Variants in ROCK1 observed in about 807,000 individuals in gnomAD.
ROCK1 encodes the protein rho-associated protein kinase 1.
ROCK1 carries 36 observed loss-of-function variants against 196.8 expected under a neutral mutation model. The observed-to-expected ratio is 0.18, with a 90% CI of 0.14 to 0.24. The LOEUF is 0.24. ROCK1 is among the 10% of genes least tolerant of loss of function. The probability of loss-of-function intolerance (pLI) is 1.00; values close to 1 mark genes in which losing one functional copy is unlikely to be tolerated. For missense variants in ROCK1, 920 were observed against 1,562.0 expected (o/e 0.59, Z 6.93); for synonymous variants, 443 against 515.9 (o/e 0.86, Z 1.91).
chr18:21,110,758 G>C, intron 1 of ROCK1, 60 bp downstream of exon 1: 1 of 1,335,400 alleles, frequency 7.5e-7, no homozygotes, highest in East Asian at 2.3e-5. Flanking sequence ...CCAGACTAAT[G>C]CAAGAGGAAG....
At chr18:20,959,171 A>ATATATATTATATAT (rs2035299840) in intron 29 of ROCK1, among the ~76,000 whole-genome samples, 1 of 61,982 alleles carries the variant, frequency 1.6e-5, no homozygotes, top group East Asian at 4.5e-4. Context: ...ATATTATATA[A>ATATATATTATATAT]TATATATAAT....
intron 4 of ROCK1, among the ~76,000 whole-genome samples, chr18:21,045,993 C>T (rs1319280383): frequency 7.1e-6 from 1 of 140,746 alleles, no homozygotes; most frequent in Non-Finnish European, 1.5e-5. Flanking sequence ...TCACTGCAAG[C>T]TCCGCCTCCC....
intron 22 of ROCK1, among the ~76,000 whole-genome samples, chr18:20,975,893 G>A (rs893978764): frequency 6.6e-6 from 1 of 152,238 alleles, no homozygotes; most frequent in African/African-American, 2.4e-5. Flanking sequence ...TTACAGGCGT[G>A]AGCCACCATG....
chr18:20,960,063 T>C, intron 28 of ROCK1, 73 bp downstream of exon 28: 1 of 1,136,414 alleles, frequency 8.8e-7, no homozygotes, highest in East Asian at 2.4e-5. Flanking sequence ...AAAAAGTAGC[T>C]AATATAAGTT....
At chr18:20,982,433 G>C (rs543883697) in intron 21 of ROCK1, among the ~76,000 whole-genome samples, 1 of 152,252 alleles carries the variant, frequency 6.6e-6, no homozygotes, top group South Asian at 2.1e-4. Context: ...TGTATTTGTA[G>C]TAGAGACGGG....
chr18:21,082,562 T>C (rs1383605753), intron 1 of ROCK1, among the ~76,000 whole-genome samples: 7 of 152,110 alleles, frequency 4.6e-5, no homozygotes, highest in Non-Finnish European at 7.4e-5. Context: ...ACCACATTAA[T>C]AGAATAAAGG....
chr18:20,981,678 C>T (rs972769843), intron 21 of ROCK1, among the ~76,000 whole-genome samples: 6 of 152,094 alleles, frequency 3.9e-5, no homozygotes, highest in East Asian at 1.9e-4. Context: ...TGGAGAACTA[C>T]TTTTAACACT....
At chr18:21,031,375 C>T (rs2036004675) in intron 9 of ROCK1, among the ~76,000 whole-genome samples, 1 of 151,990 alleles carries the variant, frequency 6.6e-6, no homozygotes, top group African/African-American at 2.4e-5. Flanking sequence ...GAGGCTGAGG[C>T]AGGTGGATCA....
At chr18:20,990,467 T>C (rs2143405866) in intron 18 of ROCK1, among the ~76,000 whole-genome samples, 1 of 151,442 alleles carries the variant, frequency 6.6e-6, no homozygotes. Context: ...ATCCCAGCAC[T>C]TTGGGAGGCC....
chr18:21,061,281 T>C (rs1248555284), intron 2 of ROCK1, among the ~76,000 whole-genome samples: 4 of 152,076 alleles, frequency 2.6e-5, no homozygotes, highest in Admixed American at 2.0e-4. Flanking sequence ...GGTTTTGTCA[T>C]GTTGGCCAGG....
intron 9 of ROCK1, among the ~76,000 whole-genome samples, chr18:21,031,231 CA>C (rs1487862854): frequency 5.3e-5 from 8 of 152,210 alleles, no homozygotes; most frequent in Admixed American, 3.9e-4. Flanking sequence ...TGCTTTAAAA[CA>C]ATGTCCAGTT....
At chr18:21,026,336 C>T (rs1278977416) in intron 10 of ROCK1, among the ~76,000 whole-genome samples, 1 of 148,494 alleles carries the variant, frequency 6.7e-6, no homozygotes, top group Non-Finnish European at 1.5e-5. Flanking sequence ...CCCAGCTACT[C>T]GGGAGGCTGA....
rs191800805 is a variant in ROCK1, at chr18:20,957,341, A to G, written c.3513-2096T>C. On this transcript the variant is annotated intron_variant, in intron 29 of 32. Coordinates refer to ENST00000399799, the MANE Select transcript of ROCK1 (RefSeq NM_005406.3). The stretch of plus-strand genomic sequence containing the variant: ...GAACAATCAATACAGACACCACCAC[A>G]GGTGCAGGCTGAGTGAAAGATGCTA... Among the ~76,000 whole-genome samples, 642 of 152,378 alleles carry G rather than the reference A, an allele frequency of 4.2e-3. 1 individual carries two copies. The highest frequency in any genetic ancestry group is 0.015 in the African/African-American group (614 of 41,588).
chr18:21,058,941 A>G (rs1455713861), intron 2 of ROCK1, among the ~76,000 whole-genome samples: 1 of 152,138 alleles, frequency 6.6e-6, no homozygotes, highest in African/African-American at 2.4e-5. Flanking sequence ...CTCTAGGAAG[A>G]TGTGCTACAT....
intron 1 of ROCK1, among the ~76,000 whole-genome samples, chr18:21,099,368 G>A (rs2036638667): frequency 6.6e-6 from 1 of 152,124 alleles, no homozygotes; most frequent in Non-Finnish European, 1.5e-5. Flanking sequence ...AAAAAAAAGA[G>A]TAAAGGGAAA....
intron 19 of ROCK1, among the ~76,000 whole-genome samples, chr18:20,986,489 A>T (rs937450475): frequency 6.6e-6 from 1 of 152,182 alleles, no homozygotes; most frequent in Non-Finnish European, 1.5e-5. Flanking sequence ...TACATATAGT[A>T]ACCACCAGGA....
chr18:20,987,220 G>A, intron 18 of ROCK1, 110 bp from the exon 19 acceptor site: 1 of 910,000 alleles, frequency 1.1e-6, no homozygotes, highest in Non-Finnish European at 1.7e-6. Context: ...TTTTTATTCT[G>A]GGACTTGAAT....
At chr18:21,058,455 G>A (rs1418946868) in intron 2 of ROCK1, among the ~76,000 whole-genome samples, 1 of 151,984 alleles carries the variant, frequency 6.6e-6, no homozygotes, top group African/African-American at 2.4e-5. Flanking sequence ...TGTACTGTTT[G>A]ACCAGAATAC....
intron 1 of ROCK1, among the ~76,000 whole-genome samples, chr18:21,109,503 ATTCC>A (rs1276698908): frequency 6.6e-6 from 1 of 152,216 alleles, no homozygotes; most frequent in African/African-American, 2.4e-5. Context: ...ATATATTCTA[ATTCC>A]TTCCACTTAT....
Sources: gnomAD v4.1 joint callset for allele counts (sites outside exome capture counted in the v4.1 genomes callset) on GRCh38, gnomAD v4.1.1 for gene constraint, MANE v1.5 for transcripts, NCBI Gene and HGNC (gene_info 2026-07-23, HGNC 2026-07-21) for gene names.